The following SLC35D4 variants were observed in gnomAD, a reference collection of about 807,000 sequenced individuals.
SLC35D4 encodes the protein UDP-N-acetylglucosamine transporter SLC35D4.
the SLC35D4 span, chr18:23,437,754 C>A: frequency 1.2e-6 from 2 of 1,604,468 alleles, no homozygotes; most frequent in South Asian, 2.2e-5. Context: ...CACGTGCAAT[C>A]GCTGCCTCCC....
the SLC35D4 span, among the ~76,000 whole-genome samples, chr18:23,396,922 A>G: frequency 2.0e-5 from 3 of 151,972 alleles, no homozygotes; most frequent in African/African-American, 7.2e-5. Context: ...CGATCTCTTC[A>G]TGGACAGGTA....
the SLC35D4 span, among the ~76,000 whole-genome samples, chr18:23,263,865 C>G: frequency 6.6e-6 from 1 of 152,248 alleles, no homozygotes; most frequent in Non-Finnish European, 1.5e-5. Context: ...CTTTGATTCA[C>G]TGCCACTTGC....
chr18:23,349,427 C>T, the SLC35D4 span, among the ~76,000 whole-genome samples: 3 of 152,250 alleles, frequency 2.0e-5, no homozygotes, highest in East Asian at 1.9e-4. Context: ...GGTCAGATAT[C>T]GAGAACATCC....
At chr18:23,319,016 A>G in the SLC35D4 span, among the ~76,000 whole-genome samples, 5 of 149,182 alleles carry the variant, frequency 3.4e-5, no homozygotes, top group Admixed American at 3.4e-4. Context: ...GCTAATTTTT[A>G]TATTTTTAGT....
the SLC35D4 span, among the ~76,000 whole-genome samples, chr18:23,420,350 T>C: frequency 6.6e-6 from 1 of 151,958 alleles, no homozygotes; most frequent in Admixed American, 6.6e-5. Context: ...GTAGGGGAGT[T>C]CATTGTATTA....
chr18:23,322,425 A>C, the SLC35D4 span, among the ~76,000 whole-genome samples: 3 of 152,362 alleles, frequency 2.0e-5, no homozygotes, highest in East Asian at 5.8e-4. Flanking sequence ...CAAAACTCTG[A>C]ACTCTTTAAC....
chr18:23,411,483 T>TAGAAAGAAAGAAGGAA, the SLC35D4 span, among the ~76,000 whole-genome samples: 1 of 91,730 alleles, frequency 1.1e-5, no homozygotes, highest in East Asian at 3.4e-4. Context: ...AAGAAAGAGA[T>TAGAAAGAAAGAAGGAA]AGAAAGAAAG....
chr18:23,343,620 T>C, the SLC35D4 span, among the ~76,000 whole-genome samples: 1 of 152,134 alleles, frequency 6.6e-6, no homozygotes, highest in East Asian at 1.9e-4. Context: ...TATAGGTAAA[T>C]TGCATGTCAC....
the SLC35D4 span, among the ~76,000 whole-genome samples, chr18:23,248,970 C>T: frequency 6.6e-6 from 1 of 152,250 alleles, no homozygotes; most frequent in Non-Finnish European, 1.5e-5. Flanking sequence ...GCTGCAGCTG[C>T]CTGGGACCAG....
the SLC35D4 span, among the ~76,000 whole-genome samples, chr18:23,328,970 T>A: frequency 6.6e-6 from 1 of 152,198 alleles, no homozygotes; most frequent in African/African-American, 2.4e-5. Context: ...ATTCCCTATT[T>A]AATAAATGGT....
chr18:23,329,539 T>C, the SLC35D4 span, among the ~76,000 whole-genome samples: 1 of 152,146 alleles, frequency 6.6e-6, no homozygotes, highest in Admixed American at 6.5e-5. Context: ...TGGCAATCAT[T>C]AAAAAGTCGG....
At chr18:23,240,574 G>A in the SLC35D4 span, among the ~76,000 whole-genome samples, 1 of 152,226 alleles carries the variant, frequency 6.6e-6, no homozygotes, top group African/African-American at 2.4e-5. Flanking sequence ...CCCAGACAGA[G>A]GGCAGATTCC....
chr18:23,354,435 G>A, the SLC35D4 span, among the ~76,000 whole-genome samples: 9 of 151,242 alleles, frequency 6.0e-5, no homozygotes, highest in East Asian at 1.2e-3. Context: ...GCAGGAGAAT[G>A]GGTGAACCCG....
the SLC35D4 span, among the ~76,000 whole-genome samples, chr18:23,364,789 G>A: frequency 6.6e-6 from 1 of 150,632 alleles, no homozygotes; most frequent in South Asian, 2.1e-4. Flanking sequence ...CATAGTCCCA[G>A]CCACTCGGGA....
the SLC35D4 span, among the ~76,000 whole-genome samples, chr18:23,313,126 CAAAAAAAAA>C: frequency 0.011 from 333 of 29,456 alleles, 2 homozygotes; most frequent in Middle Eastern, 0.031. Flanking sequence ...GACTACATCT[CAAAAAAAAA>C]AAAAAAAAAA....
the SLC35D4 span, among the ~76,000 whole-genome samples, chr18:23,291,790 C>T: frequency 1.1e-3 from 169 of 152,252 alleles, no homozygotes; most frequent in Non-Finnish European, 2.1e-3. Flanking sequence ...CAGCCCAGAC[C>T]CAAGAGAAAG....
the SLC35D4 span, among the ~76,000 whole-genome samples, chr18:23,411,820 T>A: frequency 6.6e-6 from 1 of 152,218 alleles, no homozygotes; most frequent in South Asian, 2.1e-4. Context: ...TTTACAAAAC[T>A]GTCGTTATTG....
At chr18:23,422,816 C>A in the SLC35D4 span, among the ~76,000 whole-genome samples, 1 of 806 alleles carries the variant, frequency 1.2e-3, no homozygotes, top group African/African-American at 7.0e-3. Context: ...AACACCCCTC[C>A]CCCCCCCAAT....
chr18:23,429,116 A>C, the SLC35D4 span, among the ~76,000 whole-genome samples: 1 of 152,122 alleles, frequency 6.6e-6, no homozygotes, highest in Non-Finnish European at 1.5e-5. Flanking sequence ...GGTTGATTCC[A>C]TGTCTTTGTT....
Sources: allele counts gnomAD v4.1 joint callset (sites outside exome capture counted in the v4.1 genomes callset), GRCh38; gene constraint gnomAD v4.1.1; transcripts MANE v1.5; gene names NCBI Gene and HGNC (gene_info 2026-07-23, HGNC 2026-07-21).